TCF12: variants seen among roughly 807,000 people sequenced by gnomAD.
TCF12 encodes DNA-binding protein HTF4.
In TCF12, 45 loss-of-function variants were observed where a neutral mutation model predicts 86.0. The observed-to-expected ratio is 0.52, with a 90% CI of 0.41 to 0.67. The LOEUF (loss-of-function observed/expected upper bound fraction) is 0.67, where lower values mean the gene tolerates loss of function less well. Ranked by LOEUF, TCF12 falls within the 30% of genes least tolerant of loss-of-function variation. The pLI is 0.00. For missense variants in TCF12, 881 were observed against 859.9 expected (o/e 1.02, Z -0.31); for synonymous variants, 330 against 299.6 (o/e 1.10, Z -1.05).
intron 4 of TCF12, among the ~76,000 whole-genome samples, chr15:57,066,860 T>C (rs748390096): frequency 2.8e-4 from 42 of 152,248 alleles, no homozygotes; most frequent in Non-Finnish European, 5.0e-4. Flanking sequence ...CAAAGTCATA[T>C]TGATTGAACT....
chr15:57,006,708 G>A (rs1218334948), intron 3 of TCF12, among the ~76,000 whole-genome samples: 1 of 152,066 alleles, frequency 6.6e-6, no homozygotes, highest in Non-Finnish European at 1.5e-5. Flanking sequence ...CTTGAGCTTA[G>A]GAGTTTAAGA....
intron 3 of TCF12, among the ~76,000 whole-genome samples, chr15:56,949,936 T>G (rs2061188881): frequency 6.6e-6 from 1 of 152,250 alleles, no homozygotes; most frequent in Admixed American, 6.5e-5. Context: ...GCTCTAGATT[T>G]ACTTTACAGT....
At chr15:57,133,700 T>A (rs2052317357) in intron 5 of TCF12, among the ~76,000 whole-genome samples, 1 of 151,278 alleles carries the variant, frequency 6.6e-6, no homozygotes. Context: ...AGAAGCTAAA[T>A]AATCCTTTTC....
intron 3 of TCF12, among the ~76,000 whole-genome samples, chr15:56,997,103 C>T (rs1365744945): frequency 6.6e-6 from 1 of 152,110 alleles, no homozygotes; most frequent in African/African-American, 2.4e-5. Context: ...TACCATTTGA[C>T]CCAGCAATCT....
intron 19 of TCF12, among the ~76,000 whole-genome samples, chr15:57,277,502 G>A (rs762719120): frequency 4.0e-5 from 6 of 151,750 alleles, no homozygotes; most frequent in African/African-American, 7.3e-5. Context: ...GGTGGCGTGC[G>A]CAAGTAGTCC....
chr15:57,117,486 G>T (rs2050922495), intron 5 of TCF12, among the ~76,000 whole-genome samples: 1 of 152,200 alleles, frequency 6.6e-6, no homozygotes, highest in Non-Finnish European at 1.5e-5. Flanking sequence ...TGCCATGAAT[G>T]AGCAAAACTT....
At chr15:57,126,942 T>C (rs1019035938) in intron 5 of TCF12, among the ~76,000 whole-genome samples, 3 of 151,958 alleles carry the variant, frequency 2.0e-5, no homozygotes, top group African/African-American at 7.2e-5. Flanking sequence ...ACAATAAATA[T>C]ATATTCTTTC....
intron 3 of TCF12, among the ~76,000 whole-genome samples, chr15:56,968,083 A>T (rs1453366108): frequency 6.6e-6 from 1 of 151,840 alleles, no homozygotes; most frequent in Non-Finnish European, 1.5e-5. Context: ...CAGCCTCCTG[A>T]GTAGCTGGGA....
intron 5 of TCF12, among the ~76,000 whole-genome samples, chr15:57,145,994 C>T (rs1340058721): frequency 6.6e-6 from 1 of 152,108 alleles, no homozygotes; most frequent in Non-Finnish European, 1.5e-5. Context: ...ATGGCCTTGC[C>T]TCTGATCTGA....
intron 3 of TCF12, among the ~76,000 whole-genome samples, chr15:56,992,349 T>A (rs1427633552): frequency 6.6e-6 from 1 of 152,238 alleles, no homozygotes; most frequent in Non-Finnish European, 1.5e-5. Flanking sequence ...GCCACATTCT[T>A]TCTGCTTTTA....
chr15:57,204,334 T>C (rs1055444810), intron 8 of TCF12, among the ~76,000 whole-genome samples: 1 of 151,970 alleles, frequency 6.6e-6, no homozygotes, highest in Admixed American at 6.6e-5. Flanking sequence ...GCCTGTGGTC[T>C]CACCTACTTG....
At chr15:57,036,698 T>A (rs1282741353) in intron 3 of TCF12, among the ~76,000 whole-genome samples, 2 of 152,196 alleles carry the variant, frequency 1.3e-5, no homozygotes, top group Admixed American at 1.3e-4. Flanking sequence ...ATTGAAAATT[T>A]AAAAAAATTA....
chr15:57,231,313 G>A (rs2059129359), intron 9 of TCF12, 56 bp downstream of exon 9: 3 of 1,272,356 alleles, frequency 2.4e-6, no homozygotes, highest in Non-Finnish European at 3.4e-6. Flanking sequence ...ATATCAGCCA[G>A]TATTTTAAAG....
At position 57,052,998 on chromosome 15, in the gene TCF12, A is replaced by G. The variant is rs533428809; in HGVS notation, c.149-10752A>G. ...CTAGTAGTGGGATTGCTGGGTCATT[A>G]TGATAGTTCTGTTTTTAATTTTTAA... On this transcript the variant is annotated intron_variant, in intron 3 of 20. Coordinates refer to ENST00000333725, the MANE Select transcript of TCF12 (RefSeq NM_207037.2). Among the ~76,000 whole-genome samples the G allele has an allele frequency of 2.6e-5, 4 of 152,216 alleles. No homozygotes were observed. In the South Asian group the frequency reaches 6.2e-4, roughly 24 times the overall value.
chr15:56,977,901 C>T (rs144217015), intron 3 of TCF12, among the ~76,000 whole-genome samples: 2 of 152,184 alleles, frequency 1.3e-5, no homozygotes, highest in East Asian at 3.9e-4. Flanking sequence ...AACTTACTGG[C>T]TTGGAGATAG....
At chr15:57,284,066 T>A (rs1463652362) in intron 20 of TCF12, among the ~76,000 whole-genome samples, 1 of 152,210 alleles carries the variant, frequency 6.6e-6, no homozygotes, top group African/African-American at 2.4e-5. Flanking sequence ...AAGAGCTAGT[T>A]TACAGATCCT....
intron 8 of TCF12, among the ~76,000 whole-genome samples, chr15:57,205,578 A>G (rs2057771185): frequency 6.6e-6 from 1 of 152,218 alleles, no homozygotes; most frequent in African/African-American, 2.4e-5. Context: ...CAAAATTTCC[A>G]AAGTGGCTTA....
At chr15:57,238,743 T>C (rs1249478845) in intron 12 of TCF12, among the ~76,000 whole-genome samples, 1 of 152,232 alleles carries the variant, frequency 6.6e-6, no homozygotes, top group Non-Finnish European at 1.5e-5. Flanking sequence ...GATACTGGCA[T>C]ACAATAATGG....
intron 3 of TCF12, among the ~76,000 whole-genome samples, chr15:56,954,187 C>G (rs540326606): frequency 2.6e-5 from 4 of 151,922 alleles, no homozygotes; most frequent in Admixed American, 6.6e-5. Flanking sequence ...GTGTGTTATT[C>G]ATGCTCCACA....
Sources: gnomAD v4.1 joint callset for allele counts (sites outside exome capture counted in the v4.1 genomes callset) on GRCh38, gnomAD v4.1.1 for gene constraint, MANE v1.5 for transcripts, NCBI Gene and HGNC (gene_info 2026-07-23, HGNC 2026-07-21) for gene names.